Variants in CDH18 observed in about 807,000 individuals in gnomAD.
CDH18 encodes cadherin 18.
Under a neutral mutation model 67.9 loss-of-function variants are expected in CDH18, and 31 were observed. The ratio of observed to expected loss-of-function variants is 0.46; its 90% CI spans 0.34 to 0.62. CDH18 has a LOEUF of 0.62. CDH18 is among the 20% of genes least tolerant of loss of function. CDH18 has a pLI of 0.01. For missense variants in CDH18, 890 were observed against 975.5 expected, an observed-to-expected ratio of 0.91 and a Z score of 1.17; for synonymous variants, 362 against 347.2, an observed-to-expected ratio of 1.04 and a Z score of -0.48.
chr5:20,199,228 C>T (rs1739242142), intron 2 of CDH18, among the ~76,000 whole-genome samples: 1 of 152,140 alleles, frequency 6.6e-6, no homozygotes, highest in African/African-American at 2.4e-5. Flanking sequence ...TCAATGCCAG[C>T]CATAAAAGCA....
chr5:20,012,566 G>A (rs1292577879), intron 2 of CDH18, among the ~76,000 whole-genome samples: 1 of 152,016 alleles, frequency 6.6e-6, no homozygotes, highest in Non-Finnish European at 1.5e-5. Flanking sequence ...AACCAAGGAG[G>A]TGAAAGATCT....
intron 2 of CDH18, among the ~76,000 whole-genome samples, chr5:20,063,011 C>CA (rs1379197876): frequency 7.1e-5 from 9 of 125,900 alleles, no homozygotes; most frequent in Non-Finnish European, 1.3e-4. Flanking sequence ...TTTTTTGAGA[C>CA]AGAGTCTTGG....
intron 2 of CDH18, among the ~76,000 whole-genome samples, chr5:19,925,911 G>A (rs1793027316): frequency 6.6e-6 from 1 of 152,096 alleles, no homozygotes; most frequent in African/African-American, 2.4e-5. Context: ...ACTGGGAATG[G>A]CACCAGGTAT....
intron 7 of CDH18, among the ~76,000 whole-genome samples, chr5:19,581,297 A>G (rs1743211003): frequency 6.6e-6 from 1 of 151,920 alleles, no homozygotes; most frequent in Non-Finnish European, 1.5e-5. Context: ...GCTCTTTCTA[A>G]CTTGTAAAGT....
intron 1 of CDH18, chr5:20,304,550 T>C: frequency 1.2e-6 from 2 of 1,611,726 alleles, no homozygotes; most frequent in East Asian, 4.5e-5. Context: ...CCAAATAAAC[T>C]GGAGTTTCCA....
At chr5:20,469,175 C>G (rs1407085591) in intron 1 of CDH18, among the ~76,000 whole-genome samples, 1 of 152,140 alleles carries the variant, frequency 6.6e-6, no homozygotes, top group East Asian at 1.9e-4. Context: ...AGAAAGACTT[C>G]AAGGGACTTT....
intron 2 of CDH18, among the ~76,000 whole-genome samples, chr5:19,960,988 G>T (rs1173666100): frequency 8.7e-6 from 1 of 115,542 alleles, no homozygotes; most frequent in Non-Finnish European, 2.2e-5. Context: ...GACTGGGAGT[G>T]CAGGAGGTTT....
chr5:20,510,635 G>A lies in CDH18; in HGVS notation c.-580+64827C>T, dbSNP rs191642969. On this transcript the variant is annotated intron_variant, in intron 1 of 14. Coordinates refer to the CDH18 transcript ENST00000507958. ...CATGTTTTTGAAAAGAAAGACTCAAGCCCATAACAATAGCAATTCCTTAAG... is the reference window on the plus strand; with the variant it reads ...CATGTTTTTGAAAAGAAAGACTCAAACCCATAACAATAGCAATTCCTTAAG... Among the ~76,000 whole-genome samples, 406 of 152,116 alleles carry A rather than the reference G, an allele frequency of 2.7e-3. 3 individuals are homozygous for A. The highest frequency in any genetic ancestry group is 4.7e-3 in the Non-Finnish European group (322 of 67,970).
intron 3 of CDH18, among the ~76,000 whole-genome samples, chr5:19,748,005 C>A (rs1005283255): frequency 1.4e-5 from 2 of 146,044 alleles, no homozygotes; most frequent in African/African-American, 5.1e-5. Context: ...CCCAGCTACT[C>A]GGGGGGCTGA....
intron 8 of CDH18, among the ~76,000 whole-genome samples, chr5:19,569,343 A>G (rs186621930): frequency 1.3e-5 from 2 of 152,222 alleles, no homozygotes; most frequent in African/African-American, 2.4e-5. Flanking sequence ...AATTTTCTTC[A>G]GCTCATTGCC....
chr5:20,323,472 A>C (rs898521032), intron 1 of CDH18, among the ~76,000 whole-genome samples: 1 of 152,212 alleles, frequency 6.6e-6, no homozygotes, highest in Admixed American at 6.5e-5. Context: ...CTTGGCATTA[A>C]ACAGTGCATG....
chr5:20,123,140 A>G (rs1385957106), intron 2 of CDH18, among the ~76,000 whole-genome samples: 1 of 151,686 alleles, frequency 6.6e-6, no homozygotes, highest in Non-Finnish European at 1.5e-5. Context: ...TCCAAAATAT[A>G]TGGGGACTCC....
At position 20,241,430 on chromosome 5, in the gene CDH18, T is replaced by C. The variant is rs144210037; in HGVS notation, c.-518+14014A>G. Among the ~76,000 whole-genome samples, 465 of 152,176 alleles carry C rather than the reference T, an allele frequency of 3.1e-3. 4 individuals are homozygous for C. The highest frequency in any genetic ancestry group is 0.011 in the African/African-American group (439 of 41,504). On this transcript the variant is annotated intron_variant, in intron 2 of 14. Coordinates refer to the CDH18 transcript ENST00000507958. Reference sequence around the variant, plus strand: ...GTGTGTATGTGTGCACATGCTTGGGTTAATGGCTGAAAGAGCTCTATGGAC... The same window carrying C: ...GTGTGTATGTGTGCACATGCTTGGGCTAATGGCTGAAAGAGCTCTATGGAC...
intron 5 of CDH18, among the ~76,000 whole-genome samples, chr5:19,615,258 A>T (rs924075682): frequency 6.6e-6 from 1 of 152,268 alleles, no homozygotes; most frequent in African/African-American, 2.4e-5. Context: ...GTTACAGCCA[A>T]ATTGCCATAG....
intron 2 of CDH18, among the ~76,000 whole-genome samples, chr5:20,166,732 C>A (rs1007399660): frequency 3.9e-5 from 6 of 152,120 alleles, no homozygotes; most frequent in African/African-American, 1.4e-4. Context: ...CTGAGTGGGT[C>A]TCTAAGGCTA....
At chr5:19,966,943 G>GA (rs1220314684) in intron 2 of CDH18, among the ~76,000 whole-genome samples, 1 of 151,706 alleles carries the variant, frequency 6.6e-6, no homozygotes, top group African/African-American at 2.4e-5. Context: ...AAATATTAGT[G>GA]AAAAAATGTA....
At chr5:20,501,612 ATATG>A in intron 1 of CDH18, among the ~76,000 whole-genome samples, 1 of 113,538 alleles carries the variant, frequency 8.8e-6, no homozygotes, top group Non-Finnish European at 1.7e-5. Flanking sequence ...ATATATATAT[ATATG>A]GAGATGGAGT....
intron 2 of CDH18, among the ~76,000 whole-genome samples, chr5:19,856,021 C>T (rs1330417185): frequency 6.6e-6 from 1 of 152,192 alleles, no homozygotes; most frequent in Non-Finnish European, 1.5e-5. Flanking sequence ...CAGCAAAAGA[C>T]TTCTCCTAAT....
intron 2 of CDH18, among the ~76,000 whole-genome samples, chr5:19,849,627 C>CAT (rs5866400): frequency 0.083 from 751 of 9,102 alleles, 54 homozygotes; most frequent in Non-Finnish European, 0.22. Flanking sequence ...TATATATAAA[C>CAT]ATATATATAC....
Sources: allele counts gnomAD v4.1 joint callset (sites outside exome capture counted in the v4.1 genomes callset), GRCh38; gene constraint gnomAD v4.1.1; transcripts MANE v1.5; gene names NCBI Gene and HGNC (gene_info 2026-07-23, HGNC 2026-07-21).